Variants in THSD7B observed in about 807,000 individuals in gnomAD.
The protein encoded by THSD7B is thrombospondin type 1 domain containing 7B, also known as thrombospondin type-1 domain-containing protein 7B.
THSD7B carries 138 observed loss-of-function variants against 213.6 expected under a neutral mutation model. That is an observed-to-expected ratio of 0.65 (90% CI 0.56 to 0.74). The LOEUF is 0.74. Ranked by LOEUF, THSD7B falls within the 30% of genes least tolerant of loss-of-function variation. The probability of loss-of-function intolerance (pLI) is 0.00; values close to 1 mark genes in which losing one functional copy is unlikely to be tolerated. For missense variants in THSD7B, 1,931 were observed against 1,991.5 expected (o/e 0.97, Z 0.58); for synonymous variants, 742 against 687.0 (o/e 1.08, Z -1.25).
chr2:137,459,127 T>C (rs1344932884), intron 15 of THSD7B, among the ~76,000 whole-genome samples: 1 of 151,970 alleles, frequency 6.6e-6, no homozygotes, highest in African/African-American at 2.4e-5. Context: ...AGTTTGAAAA[T>C]TAAATCCAAA....
chr2:136,775,923 C>CT (rs1381052981), intron 1 of THSD7B, among the ~76,000 whole-genome samples: 1 of 152,044 alleles, frequency 6.6e-6, no homozygotes, highest in African/African-American at 2.4e-5. Context: ...GTTTATTATA[C>CT]TTTGACAGAT....
At chr2:137,603,331 C>A (rs576588480) in intron 17 of THSD7B, among the ~76,000 whole-genome samples, 1 of 152,110 alleles carries the variant, frequency 6.6e-6, no homozygotes, top group Non-Finnish European at 1.5e-5. Context: ...CTGCAGACAG[C>A]GACTTTAGTT....
intron 5 of THSD7B, among the ~76,000 whole-genome samples, chr2:137,141,715 C>T (rs1426569406): frequency 1.3e-5 from 2 of 151,470 alleles, no homozygotes; most frequent in Non-Finnish European, 2.9e-5. Context: ...TTGTATCTTC[C>T]AGATAAAAAG....
At chr2:137,390,060 G>T (rs190688845) in intron 12 of THSD7B, among the ~76,000 whole-genome samples, 349 of 152,138 alleles carry the variant, frequency 2.3e-3, no homozygotes, top group African/African-American at 7.6e-3. Flanking sequence ...CAAATTTTAG[G>T]ATTACCCTTT....
chr2:136,765,753 C>CG (rs984930704), intron 1 of THSD7B, 66 bp downstream of exon 1: 1 of 152,222 alleles, frequency 6.6e-6, no homozygotes, highest in African/African-American at 2.4e-5. Context: ...GACTGGGGCG[C>CG]GGGGTGGCAG....
At chr2:137,358,885 A>T (rs183983163) in intron 12 of THSD7B, among the ~76,000 whole-genome samples, 1 of 152,212 alleles carries the variant, frequency 6.6e-6, no homozygotes, top group East Asian at 1.9e-4. Context: ...AGTGTATATT[A>T]GCACCTTTGC....
chr2:137,037,925 G>C (rs549739117), intron 2 of THSD7B, among the ~76,000 whole-genome samples: 10 of 152,138 alleles, frequency 6.6e-5, no homozygotes, highest in Non-Finnish European at 1.3e-4. Context: ...TCACCTATGA[G>C]AAGGATAATC....
intron 12 of THSD7B, among the ~76,000 whole-genome samples, chr2:137,331,905 CG>C (rs1439548384): frequency 9.2e-5 from 14 of 152,122 alleles, no homozygotes; most frequent in African/African-American, 2.9e-4. Context: ...GCTCCAAGTG[CG>C]GGCCCGCCAA....
intron 15 of THSD7B, among the ~76,000 whole-genome samples, chr2:137,541,593 T>C (rs190808383): frequency 1.3e-5 from 2 of 151,830 alleles, no homozygotes; most frequent in African/African-American, 4.8e-5. Context: ...AACTATATAT[T>C]ATTGTTAACT....
At chr2:137,171,368 A>G (rs1224182434) in intron 7 of THSD7B, among the ~76,000 whole-genome samples, 2 of 152,118 alleles carry the variant, frequency 1.3e-5, no homozygotes, top group East Asian at 3.9e-4. Context: ...ACCAAACAAA[A>G]CTAGGTGGCT....
At chr2:136,817,064 G>T (rs1037260926) in intron 1 of THSD7B, among the ~76,000 whole-genome samples, 1 of 152,106 alleles carries the variant, frequency 6.6e-6, no homozygotes, top group Non-Finnish European at 1.5e-5. Flanking sequence ...ATGTGTAGAA[G>T]CCTCTATTGT....
At chr2:137,002,706 C>G (rs1686024380) in intron 2 of THSD7B, among the ~76,000 whole-genome samples, 1 of 152,096 alleles carries the variant, frequency 6.6e-6, no homozygotes, top group South Asian at 2.1e-4. Flanking sequence ...TTTGAATTTT[C>G]TGTGTCTTGT....
chr2:137,475,949 C>T (rs992218715), intron 15 of THSD7B, among the ~76,000 whole-genome samples: 1 of 152,040 alleles, frequency 6.6e-6, no homozygotes, highest in Non-Finnish European at 1.5e-5. Flanking sequence ...TAGAAGAGAT[C>T]CCTTTTCTTT....
At chr2:137,298,787 T>C (rs1683528236) in intron 12 of THSD7B, among the ~76,000 whole-genome samples, 1 of 152,174 alleles carries the variant, frequency 6.6e-6, no homozygotes, top group African/African-American at 2.4e-5. Flanking sequence ...AAGTCAAGAA[T>C]TGAGGTTTGG....
At chr2:137,518,246 G>T (rs1276668816) in intron 15 of THSD7B, among the ~76,000 whole-genome samples, 1 of 152,116 alleles carries the variant, frequency 6.6e-6, no homozygotes, top group Non-Finnish European at 1.5e-5. Flanking sequence ...AGAAGACCAG[G>T]GCCTGGTTCA....
rs572244894 is a variant in THSD7B, at chr2:136,785,012, A to G, written c.-36+19325A>G. Among the ~76,000 whole-genome samples the G allele has an allele frequency of 2.6e-5, 4 of 152,272 alleles. No individual in the cohort carries two copies. The South Asian group carries it at 8.3e-4, about 32-fold the overall frequency. The stretch of plus-strand genomic sequence containing the variant: ...TATGTCTCTCTCTCTCTATATTTTA[A>G]TCATTCAATTCTGGACATTACTACC... On this transcript the variant is annotated intron_variant, in intron 1 of 27. Transcript: ENST00000409968.
At chr2:137,130,376 TTTATTA>T in intron 5 of THSD7B, among the ~76,000 whole-genome samples, 1 of 151,916 alleles carries the variant, frequency 6.6e-6, no homozygotes, top group Non-Finnish European at 1.5e-5. Context: ...GCCTCACCTT[TTTATTA>T]TTATTATTAT....
chr2:136,890,869 T>TA (rs1408181091), intron 2 of THSD7B, among the ~76,000 whole-genome samples: 6 of 152,008 alleles, frequency 3.9e-5, no homozygotes, highest in African/African-American at 1.4e-4. Context: ...ATTTTTTTTT[T>TA]ATGCAATTTC....
intron 17 of THSD7B, among the ~76,000 whole-genome samples, chr2:137,589,907 C>T (rs750647157): frequency 7.2e-5 from 11 of 152,194 alleles, no homozygotes; most frequent in East Asian, 5.8e-4. Context: ...TTATGATTTT[C>T]GTCTTAAGGA....
Sources: gnomAD v4.1 joint callset for allele counts (sites outside exome capture counted in the v4.1 genomes callset) on GRCh38, gnomAD v4.1.1 for gene constraint, MANE v1.5 for transcripts, NCBI Gene and HGNC (gene_info 2026-07-23, HGNC 2026-07-21) for gene names.